Variants in LCOR observed in about 807,000 individuals in gnomAD.
LCOR encodes ligand-dependent corepressor.
A neutral mutation model predicts 64.4 loss-of-function variants in LCOR; 14 were observed. The observed-to-expected ratio is 0.22, with a 90% confidence interval of 0.14 to 0.34. The LOEUF is 0.34. Ranked by LOEUF, LCOR falls within the 10% of genes least tolerant of loss-of-function variation. LCOR has a pLI of 1.00. For missense variants in LCOR, 1,686 were observed against 1,765.3 expected (o/e 0.96, Z 0.80); for synonymous variants, 643 against 642.5 (o/e 1.00, Z -0.01).
intron 2 of LCOR, among the ~76,000 whole-genome samples, chr10:96,885,970 C>G (rs1298425495): frequency 6.6e-6 from 1 of 152,116 alleles, no homozygotes; most frequent in Non-Finnish European, 1.5e-5. Context: ...CTCCGCCTCC[C>G]AGGTTCAAGC....
intron 5 of LCOR, among the ~76,000 whole-genome samples, chr10:96,948,313 C>T (rs565647934): frequency 6.6e-6 from 1 of 152,158 alleles, no homozygotes; most frequent in African/African-American, 2.4e-5. Flanking sequence ...GACATTTAAA[C>T]ACCTAGCCCA....
At chr10:96,968,705 T>G (rs1203565590) in intron 7 of LCOR, among the ~76,000 whole-genome samples, 1 of 151,988 alleles carries the variant, frequency 6.6e-6, no homozygotes, top group Non-Finnish European at 1.5e-5. Context: ...GAGGCCGAAA[T>G]GAGATGATCA....
intron 2 of LCOR, among the ~76,000 whole-genome samples, chr10:96,892,522 G>C (rs1846463708): frequency 6.6e-6 from 1 of 152,126 alleles, no homozygotes; most frequent in Non-Finnish European, 1.5e-5. Flanking sequence ...TTTTTGCTAT[G>C]TTCTCACATG....
rs1217375296 is a variant in LCOR at position 96,836,993 on chromosome 10, C to CTT, written c.-330+3529_-330+3530dup. 1.5e-3 allele frequency among the ~76,000 whole-genome samples: 210 copies of CTT among 139,872 alleles called. 3 individuals carry two copies. Among genetic ancestry groups the CTT allele is most frequent in the East Asian group, 6.8e-3 (33 of 4,858 alleles). The allele number at this position is 139,872 out of a possible 152,430, so 91.8% of individuals were successfully genotyped here. A position where few individuals can be genotyped will look rare whatever the true frequency, so the allele number is the denominator to read the frequency against. Reference sequence around the variant, plus strand: ...GAACTCTACAAAAATGACACAGATTCTTTTTTTTTTTTTTTTGAGACGGAG... The same window carrying CTT: ...GAACTCTACAAAAATGACACAGATTCTTTTTTTTTTTTTTTTTTGAGACGGAG... On this transcript the variant is annotated intron_variant, in intron 2 of 7. Coordinates refer to ENST00000421806, the MANE Select transcript of LCOR (RefSeq NM_001346516.2).
intron 2 of LCOR, among the ~76,000 whole-genome samples, chr10:96,884,943 G>C (rs1341637737): frequency 6.6e-6 from 1 of 152,162 alleles, no homozygotes; most frequent in Non-Finnish European, 1.5e-5. Context: ...AGCTTAGCTT[G>C]ATGTGTGTGT....
At chr10:96,836,597 A>G (rs899968946) in intron 2 of LCOR, among the ~76,000 whole-genome samples, 3 of 152,214 alleles carry the variant, frequency 2.0e-5, no homozygotes, top group Non-Finnish European at 4.4e-5. Context: ...TTATTGTACA[A>G]GGCATAGTGT....
intron 7 of LCOR, among the ~76,000 whole-genome samples, chr10:96,969,468 A>G (rs1402129731): frequency 6.6e-6 from 1 of 152,092 alleles, no homozygotes; most frequent in African/African-American, 2.4e-5. Context: ...TAAAAGTCAT[A>G]AAGTTAACTA....
chr10:96,843,739 C>T (rs1182472662), intron 2 of LCOR, among the ~76,000 whole-genome samples: 1 of 152,140 alleles, frequency 6.6e-6, no homozygotes, highest in Non-Finnish European at 1.5e-5. Flanking sequence ...TTCCAGACAC[C>T]ATATTTAGTA....
At chr10:96,917,598 C>T (rs1454421737) in intron 4 of LCOR, among the ~76,000 whole-genome samples, 1 of 152,084 alleles carries the variant, frequency 6.6e-6, no homozygotes, top group Non-Finnish European at 1.5e-5. Context: ...TTAAAAGGAT[C>T]TGTGTGTGTT....
intron 7 of LCOR, among the ~76,000 whole-genome samples, chr10:96,976,438 G>C (rs764345939): frequency 6.6e-6 from 1 of 152,106 alleles, no homozygotes; most frequent in Non-Finnish European, 1.5e-5. Flanking sequence ...TGGTGGCATG[G>C]AAGACACCAC....
At chr10:96,959,096 T>C (rs1438870018) in intron 7 of LCOR, 1 of 152,170 alleles carries the variant, frequency 6.6e-6, no homozygotes, top group Non-Finnish European at 1.5e-5. Context: ...GTGGCAGTCT[T>C]GGTGCCGCAG....
chr10:96,875,978 C>G (rs768325314), intron 2 of LCOR, among the ~76,000 whole-genome samples: 6 of 150,456 alleles, frequency 4.0e-5, no homozygotes, highest in African/African-American at 7.3e-5. Flanking sequence ...TTATAAATAG[C>G]TAATTATATC....
chr10:96,864,409 GT>G (rs1160644875), intron 2 of LCOR, among the ~76,000 whole-genome samples: 2 of 152,204 alleles, frequency 1.3e-5, no homozygotes, highest in African/African-American at 4.8e-5. Context: ...TTTAGATGGT[GT>G]GGTTGGATTG....
At chr10:96,945,127 T>TA (rs1478032414) in intron 5 of LCOR, among the ~76,000 whole-genome samples, 1 of 152,234 alleles carries the variant, frequency 6.6e-6, no homozygotes, top group Non-Finnish European at 1.5e-5. Context: ...TTGATAATCT[T>TA]AAATATTCTT....
chr10:96,929,083 C>G (rs1564628836), intron 4 of LCOR, among the ~76,000 whole-genome samples: 1 of 152,148 alleles, frequency 6.6e-6, no homozygotes, highest in African/African-American at 2.4e-5. Flanking sequence ...TAGCATAATT[C>G]TTAAGGGCCC....
chr10:96,951,571 T>C (rs1482049289), intron 6 of LCOR, among the ~76,000 whole-genome samples: 2 of 152,102 alleles, frequency 1.3e-5, no homozygotes, highest in African/African-American at 4.8e-5. Context: ...CCATATTGTT[T>C]AGTATATACA....
chr10:96,846,248 GT>G (rs199691897), intron 2 of LCOR, among the ~76,000 whole-genome samples: 8 of 147,816 alleles, frequency 5.4e-5, no homozygotes, highest in African/African-American at 1.2e-4. Flanking sequence ...CTGGCTTTAA[GT>G]TTTTTTTTTT....
intron 5 of LCOR, among the ~76,000 whole-genome samples, chr10:96,947,104 G>C (rs964947960): frequency 6.6e-6 from 1 of 151,912 alleles, no homozygotes; most frequent in African/African-American, 2.4e-5. Context: ...AGCAGTGTAT[G>C]GATAAAATGT....
chr10:96,894,636 C>CA (rs1846506189), intron 2 of LCOR, among the ~76,000 whole-genome samples: 5 of 152,064 alleles, frequency 3.3e-5, no homozygotes, highest in Admixed American at 3.3e-4. Flanking sequence ...AACATTGGTA[C>CA]AGTTTAAAAT....
Sources: allele counts gnomAD v4.1 joint callset (sites outside exome capture counted in the v4.1 genomes callset), GRCh38; gene constraint gnomAD v4.1.1; transcripts MANE v1.5; gene names NCBI Gene and HGNC (gene_info 2026-07-23, HGNC 2026-07-21).